GLG1: variants seen among roughly 807,000 people sequenced by gnomAD.
GLG1 encodes golgi glycoprotein 1.
GLG1 carries 38 observed loss-of-function variants against 160.5 expected under a neutral mutation model. The observed-to-expected ratio is 0.24, with a 90% CI of 0.18 to 0.31. The LOEUF (loss-of-function observed/expected upper bound fraction) is 0.31. GLG1 is among the 10% of genes least tolerant of loss of function. The pLI, the probability that GLG1 is intolerant of heterozygous loss-of-function variation, is 1.00. For synonymous variants in GLG1, 644 were observed against 543.4 expected (o/e 1.19, Z -2.57); for missense variants, 1,373 against 1,505.2 (o/e 0.91, Z 1.45).
intron 2 of GLG1, among the ~76,000 whole-genome samples, chr16:74,527,023 C>A (rs1037925019): frequency 2.0e-5 from 3 of 152,084 alleles, no homozygotes; most frequent in Admixed American, 6.5e-5. Flanking sequence ...ATTAACTGAA[C>A]AATCATTATG....
chr16:74,503,835 CTGTTGATT>C, intron 3 of GLG1, 89 bp from the exon 4 acceptor site: 1 of 849,704 alleles, frequency 1.2e-6, no homozygotes, highest in Non-Finnish European at 1.9e-6. Flanking sequence ...TGAAATTTTC[CTGTTGATT>C]TCCTAATTCT....
chr16:74,496,678 T>C (rs747795934), intron 4 of GLG1, 34 bp from the exon 5 acceptor site: 1 of 1,369,716 alleles, frequency 7.3e-7, no homozygotes, highest in Non-Finnish European at 1.0e-6. Flanking sequence ...TTTTAAAACT[T>C]TTATCACATG....
rs975384170 is a variant in GLG1, at chr16:74,509,538, C to G, written c.472-613G>C. On this transcript the variant is annotated intron_variant, in intron 2 of 25. Coordinates refer to ENST00000422840, the MANE Select transcript of GLG1 (RefSeq NM_001145667.2). ...GGTTCTAGTTTCTAGGCATATTTAT[C>G]TTCATTCATTCATTCATTTAAAAAA... 2.0e-5 allele frequency among the ~76,000 whole-genome samples: 3 copies of G among 151,906 alleles called. No individual in the cohort carries two copies. In the East Asian group the frequency reaches 5.8e-4, roughly 30 times the overall value.
intron 10 of GLG1, among the ~76,000 whole-genome samples, chr16:74,481,050 T>C (rs1223066837): frequency 1.3e-5 from 2 of 152,230 alleles, no homozygotes; most frequent in Admixed American, 6.5e-5. Flanking sequence ...ACTAGAGTTA[T>C]AGCCACCACC....
At chr16:74,561,116 G>C (rs534830370) in intron 1 of GLG1, among the ~76,000 whole-genome samples, 74 of 152,204 alleles carry the variant, frequency 4.9e-4, no homozygotes, top group African/African-American at 1.8e-3. Context: ...GGGGCCAACA[G>C]GCAGCAAGCC....
chr16:74,506,179 C>A (rs940959941), intron 3 of GLG1, among the ~76,000 whole-genome samples: 1 of 144,156 alleles, frequency 6.9e-6, no homozygotes. Context: ...TGTAATTCAA[C>A]CACAGAAAAA....
intron 9 of GLG1, among the ~76,000 whole-genome samples, chr16:74,483,663 CTTTT>C (rs898114669): frequency 6.9e-6 from 1 of 144,674 alleles, no homozygotes. Context: ...CTTTTCTTTT[CTTTT>C]TTTTTTTTTG....
chr16:74,499,025 G>A (rs1025112737), intron 4 of GLG1, among the ~76,000 whole-genome samples: 4 of 151,860 alleles, frequency 2.6e-5, no homozygotes, highest in Admixed American at 6.6e-5. Context: ...GAAAGCTTTC[G>A]TGTTATCTCC....
intron 3 of GLG1, among the ~76,000 whole-genome samples, chr16:74,505,490 G>C (rs899777392): frequency 3.3e-5 from 5 of 152,116 alleles, no homozygotes; most frequent in African/African-American, 1.2e-4. Flanking sequence ...AAGACCGAGG[G>C]GGGTGGATCA....
chr16:74,493,102 G>A lies in GLG1; in HGVS notation c.1089C>T (p.Ala363=), dbSNP rs973260528. The change falls in exon 7 of 26, where the codon GCC becomes GCT. Residue 363 remains alanine, a synonymous_variant. Coordinates refer to ENST00000422840, the MANE Select transcript of GLG1 (RefSeq NM_001145667.2). ...ATGAATAACTGACTTTATAATCCTG[G>A]GCAATCAGCTTTTGGCGGGTTGTAA... ...EALTTRQKLI[A]QDYKVSYSLA... is the part of the protein sequence containing the mutation. 4 of 1,613,354 alleles carry A rather than the reference G, an allele frequency of 2.5e-6. No homozygotes were observed. The African/African-American group carries it at 4.0e-5, about 16-fold the overall frequency.
chr16:74,583,999 A>G (rs916601302), intron 1 of GLG1, among the ~76,000 whole-genome samples: 4 of 152,136 alleles, frequency 2.6e-5, no homozygotes, highest in African/African-American at 9.7e-5. Flanking sequence ...TCCCACTTCT[A>G]TCTCCTTTGC....
chr16:74,485,510 G>A (rs1327876696), intron 9 of GLG1, among the ~76,000 whole-genome samples: 5 of 152,212 alleles, frequency 3.3e-5, no homozygotes, highest in Admixed American at 6.5e-5. Flanking sequence ...TAATTTGATC[G>A]TGATATAAAA....
rs2014230368 is a variant in GLG1, at chr16:74,450,140, C to A, written c.*3027G>T. On this transcript the variant is annotated 3_prime_UTR_variant, in exon 26 of 26. Coordinates refer to ENST00000422840, the MANE Select transcript of GLG1 (RefSeq NM_001145667.2). ...GTGACCCAGCTGCTATAACTGTTAGCAAGTACCTGAAGCCTTAGCCTTGGC... is the reference window on the plus strand; with the variant it reads ...GTGACCCAGCTGCTATAACTGTTAGAAAGTACCTGAAGCCTTAGCCTTGGC... The A allele has an allele frequency of 6.6e-6, 1 of 152,338 alleles. No homozygotes were observed. The highest frequency in any genetic ancestry group is 2.1e-4 in the South Asian group (1 of 4,842). The allele number at this position is 152,338 out of a possible 1,614,324, so 9.4% of individuals were successfully genotyped here. A position where few individuals can be genotyped will look rare whatever the true frequency, so the allele number is the denominator to read the frequency against.
intron 6 of GLG1, 53 bp downstream of exon 6, chr16:74,494,707 G>C: frequency 1.2e-6 from 1 of 863,890 alleles, no homozygotes; most frequent in Non-Finnish European, 1.9e-6. Flanking sequence ...GTCTGGCTGA[G>C]AAAGCTTTTA....
chr16:74,535,342 A>G (rs1163615898), intron 1 of GLG1, among the ~76,000 whole-genome samples: 4 of 152,286 alleles, frequency 2.6e-5, no homozygotes, highest in Non-Finnish European at 4.4e-5. Context: ...ATGGAGACAC[A>G]AAAGTGCAAA....
chr16:74,510,419 C>G (rs1465300509), intron 2 of GLG1, among the ~76,000 whole-genome samples: 2 of 152,180 alleles, frequency 1.3e-5, no homozygotes, highest in African/African-American at 4.8e-5. Context: ...CTAAATATTA[C>G]TTTATTTTTG....
At chr16:74,550,059 A>C (rs1287199830) in intron 1 of GLG1, among the ~76,000 whole-genome samples, 1 of 152,258 alleles carries the variant, frequency 6.6e-6, no homozygotes, top group Non-Finnish European at 1.5e-5. Flanking sequence ...TTGAGGCTGC[A>C]ATGAGCCATG....
intron 1 of GLG1, among the ~76,000 whole-genome samples, chr16:74,564,531 T>G (rs2018597370): frequency 6.6e-6 from 1 of 152,150 alleles, no homozygotes; most frequent in African/African-American, 2.4e-5. Context: ...GCAGGAATGA[T>G]AAACACTCAA....
chr16:74,469,932 G>A lies in GLG1; in HGVS notation c.2318+53C>T, dbSNP rs1201003654. The A allele has an allele frequency of 2.0e-5, 23 of 1,134,484 alleles. No individual in the cohort carries two copies. In the East Asian group the frequency reaches 3.5e-4, roughly 17 times the overall value. The allele number at this position is 1,134,484 out of a possible 1,614,324, so 70.3% of individuals were successfully genotyped here. ...GCCTAACATCTCGCATACTCATTCC[G>A]GAGCTAAGAGGAACTTCGGGAAAGT... On this transcript the variant is annotated intron_variant, in intron 16 of 25. Transcript: ENST00000422840.
Sources: allele counts gnomAD v4.1 joint callset (sites outside exome capture counted in the v4.1 genomes callset), GRCh38; gene constraint gnomAD v4.1.1; transcripts MANE v1.5; gene names NCBI Gene and HGNC (gene_info 2026-07-23, HGNC 2026-07-21).